NBAS: variants seen among roughly 807,000 people sequenced by gnomAD.
NBAS encodes NBAS subunit of NRZ tethering complex.
NBAS carries 219 observed loss-of-function variants against 302.5 expected under a neutral mutation model. The ratio of observed to expected loss-of-function variants is 0.72; its 90% CI spans 0.65 to 0.81. NBAS has a LOEUF of 0.81. Ranked by LOEUF, NBAS falls within the 30% of genes least tolerant of loss-of-function variation. The pLI, the probability that NBAS is intolerant of heterozygous loss-of-function variation, is 0.00. For synonymous variants in NBAS, 1,118 were observed against 1,021.6 expected (o/e 1.09, Z -1.80); for missense variants, 2,932 against 2,841.6 (o/e 1.03, Z -0.72).
rs572506432 is a variant in NBAS, at chr2:15,536,322, A to G, written c.647+96T>C. 2.8e-5 allele frequency: 40 copies of G among 1,436,706 alleles called. No individual in the cohort carries two copies. The South Asian group carries it at 3.7e-4, about 13-fold the overall frequency. The allele number at this position is 1,436,706 out of a possible 1,614,324, so 89.0% of individuals were successfully genotyped here. A position where few individuals can be genotyped will look rare whatever the true frequency, so the allele number is the denominator to read the frequency against. On this transcript the variant is annotated intron_variant, in intron 8 of 51. Coordinates refer to ENST00000281513, the MANE Select transcript of NBAS (RefSeq NM_015909.4). ...TATTATATTTGCAATTTTTCATAAT[A>G]GACAGAAAGCAAAAAAAAAAAGAAA...
At chr2:15,008,417 G>A in the NBAS span, among the ~76,000 whole-genome samples, 6 of 152,162 alleles carry the variant, frequency 3.9e-5, no homozygotes, top group Non-Finnish European at 7.4e-5. Context: ...ATCCAAGTCT[G>A]TGACATAACC....
At chr2:15,168,055 C>A (rs1664117485) in intron 51 of NBAS, among the ~76,000 whole-genome samples, 1 of 152,124 alleles carries the variant, frequency 6.6e-6, no homozygotes, top group African/African-American at 2.4e-5. Context: ...TCTCCCTGGT[C>A]TTGTCTTCTA....
the NBAS span, chr2:14,890,569 G>A: frequency 1.3e-5 from 2 of 152,190 alleles, no homozygotes; most frequent in African/African-American, 4.8e-5. Context: ...TGTAATCCCA[G>A]CATTTTGAGA....
chr2:15,382,996 G>A (rs988845205), intron 29 of NBAS, among the ~76,000 whole-genome samples: 1 of 152,104 alleles, frequency 6.6e-6, no homozygotes, highest in African/African-American at 2.4e-5. Context: ...TCTAGCTGAT[G>A]ATTAACCTAC....
At chr2:14,913,047 T>G in the NBAS span, among the ~76,000 whole-genome samples, 236 of 152,238 alleles carry the variant, frequency 1.6e-3, 1 homozygote, top group African/African-American at 5.5e-3. Context: ...CAAAACCCAT[T>G]TATAAGAGGC....
chr2:15,319,314 C>A (rs1459070427), intron 38 of NBAS, among the ~76,000 whole-genome samples: 4 of 152,052 alleles, frequency 2.6e-5, no homozygotes, highest in African/African-American at 9.7e-5. Context: ...ATAAAATCGA[C>A]ACCAAACATC....
chr2:14,779,811 C>T, the NBAS span, among the ~76,000 whole-genome samples: 1 of 152,204 alleles, frequency 6.6e-6, no homozygotes, highest in Non-Finnish European at 1.5e-5. Flanking sequence ...TGCTATACCC[C>T]AGTGTCTGCA....
the NBAS span, among the ~76,000 whole-genome samples, chr2:15,044,927 A>G: frequency 1.5e-3 from 227 of 152,350 alleles, no homozygotes; most frequent in African/African-American, 5.2e-3. Flanking sequence ...GTACCAAAAC[A>G]TAATTGGGGT....
intron 38 of NBAS, among the ~76,000 whole-genome samples, chr2:15,312,759 A>G (rs945516662): frequency 9.2e-5 from 14 of 152,336 alleles, no homozygotes; most frequent in African/African-American, 3.1e-4. Context: ...TATTTTCCCA[A>G]TAAACTAAAC....
intron 21 of NBAS, among the ~76,000 whole-genome samples, chr2:15,444,044 G>C (rs1178642022): frequency 6.6e-6 from 1 of 151,584 alleles, no homozygotes; most frequent in Non-Finnish European, 1.5e-5. Context: ...CTCATGGGTA[G>C]GAAGAATCAA....
chr2:15,058,357 A>C, the NBAS span, among the ~76,000 whole-genome samples: 1 of 152,202 alleles, frequency 6.6e-6, no homozygotes, highest in Non-Finnish European at 1.5e-5. Context: ...CCCCCACAAC[A>C]AAAATTGTCC....
chr2:15,317,113 G>T (rs1671550754), intron 38 of NBAS, among the ~76,000 whole-genome samples: 1 of 152,218 alleles, frequency 6.6e-6, no homozygotes, highest in Non-Finnish European at 1.5e-5. Context: ...ACAGCGTCTG[G>T]AGTGGACCTC....
At chr2:15,475,905 A>G (rs1318100410) in intron 13 of NBAS, 25 bp from the exon 14 acceptor site, 4 of 1,566,584 alleles carry the variant, frequency 2.6e-6, no homozygotes, top group Non-Finnish European at 3.5e-6. Context: ...ACAAATCAAT[A>G]CAAATGCATC....
At chr2:15,296,113 G>A (rs539470158) in intron 40 of NBAS, among the ~76,000 whole-genome samples, 2 of 152,252 alleles carry the variant, frequency 1.3e-5, no homozygotes, top group East Asian at 3.9e-4. Context: ...AGAGTTTTGG[G>A]AACTCCATGG....
At position 15,424,381 on chromosome 2, in the gene NBAS, A is replaced by C; in HGVS notation, c.2511T>G (p.Leu837=). The C allele has an allele frequency of 6.2e-7, 1 of 1,614,108 alleles. No individual in the cohort carries two copies. The highest frequency in any genetic ancestry group is 1.1e-5 in the South Asian group (1 of 91,084). The stretch of plus-strand genomic sequence containing the variant: ...ACCAGTCCATAACCTTCTCCACCGT[A>C]AGCTGGGTCATCCTGAACCTTAGTA... ...PELLRFRMTQ[L]TVEKVMDWYQ... Residue 837 remains leucine (L), a synonymous_variant, in exon 23 of 52, where the codon CTT becomes CTG. Coordinates refer to ENST00000281513, the MANE Select transcript of NBAS (RefSeq NM_015909.4).
the NBAS span, among the ~76,000 whole-genome samples, chr2:15,011,014 T>A: frequency 6.0e-3 from 920 of 152,332 alleles, 7 homozygotes; most frequent in South Asian, 0.019. Flanking sequence ...AAGCCATTGA[T>A]TTGTTTTATT....
At chr2:15,227,320 G>A (rs1204173010) in intron 47 of NBAS, among the ~76,000 whole-genome samples, 1 of 151,954 alleles carries the variant, frequency 6.6e-6, no homozygotes, top group Non-Finnish European at 1.5e-5. Context: ...CCTCTACAAT[G>A]AAAACTATAA....
At chr2:15,212,460 A>T (rs1198466998) in intron 48 of NBAS, among the ~76,000 whole-genome samples, 2 of 152,106 alleles carry the variant, frequency 1.3e-5, no homozygotes, top group East Asian at 3.9e-4. Flanking sequence ...GGCTGAACTC[A>T]GTTTCAGTAT....
the NBAS span, among the ~76,000 whole-genome samples, chr2:14,813,926 C>G: frequency 6.6e-6 from 1 of 152,200 alleles, no homozygotes; most frequent in African/African-American, 2.4e-5. Context: ...CCCCACTGTT[C>G]GAAGCAGCCT....
Sources: allele counts gnomAD v4.1 joint callset (sites outside exome capture counted in the v4.1 genomes callset), GRCh38; gene constraint gnomAD v4.1.1; transcripts MANE v1.5; gene names NCBI Gene and HGNC (gene_info 2026-07-23, HGNC 2026-07-21).